Variants in CSRNP3 observed in about 807,000 individuals in gnomAD.
CSRNP3 encodes cysteine/serine-rich nuclear protein 3.
A neutral mutation model predicts 48.0 loss-of-function variants in CSRNP3; 12 were observed. The ratio of observed to expected loss-of-function variants is 0.25; its 90% confidence interval spans 0.16 to 0.41. The LOEUF (loss-of-function observed/expected upper bound fraction) is 0.41. Ranked by LOEUF, CSRNP3 falls within the 10% of genes least tolerant of loss-of-function variation. The probability of loss-of-function intolerance (pLI) is 1.00; values close to 1 mark genes in which losing one functional copy is unlikely to be tolerated. For missense variants in CSRNP3, 580 were observed against 724.4 expected, an observed-to-expected ratio of 0.80 and a Z score of 2.29; for synonymous variants, 263 against 269.7, an observed-to-expected ratio of 0.98 and a Z score of 0.24.
rs536047495 is a variant in CSRNP3, at chr2:165,621,177, A to T, written c.148+25964A>T. 3.2e-4 allele frequency among the ~76,000 whole-genome samples: 49 copies of T among 152,166 alleles called. No individual in the cohort carries two copies. In the South Asian group the frequency reaches 5.2e-3, roughly 16 times the overall value. On this transcript the variant is annotated intron_variant, in intron 4 of 6. Transcript: ENST00000651982. The stretch of plus-strand genomic sequence containing the variant: ...AGTTCCTGGTTAGCAGTCGTGGGTC[A>T]TTGTAGTCCCGGGCATTGTATTGAG...
chr2:165,674,320 G>A lies in CSRNP3; in HGVS notation c.409-1992G>A, dbSNP rs1012872109. ...GGAACACTTCCTTTCTGTTACTACAGCTTTACCTATCACAGAGGATCGAGT... is the reference window on the plus strand; with the variant it reads ...GGAACACTTCCTTTCTGTTACTACAACTTTACCTATCACAGAGGATCGAGT... On this transcript the variant is annotated intron_variant, in intron 5 of 6. Coordinates refer to ENST00000651982, the MANE Select transcript of CSRNP3 (RefSeq NM_001172173.2). Among the ~76,000 whole-genome samples the A allele has an allele frequency of 7.4e-4, 112 of 151,996 alleles. 1 individual carries two copies. Among genetic ancestry groups the A allele is most frequent in the Admixed American group, 5.2e-4 (8 of 15,252 alleles).
intron 5 of CSRNP3, among the ~76,000 whole-genome samples, chr2:165,672,721 G>A (rs1687351415): frequency 6.6e-6 from 1 of 152,166 alleles, no homozygotes; most frequent in Admixed American, 6.5e-5. Flanking sequence ...TGAGTGGGTG[G>A]ACAAAATTAG....
At chr2:165,558,451 G>A (rs956543029) in intron 3 of CSRNP3, among the ~76,000 whole-genome samples, 11 of 152,170 alleles carry the variant, frequency 7.2e-5, no homozygotes, top group African/African-American at 2.7e-4. Flanking sequence ...ACATAAGTTA[G>A]TGAGCAATTT....
chr2:165,470,726 T>C (rs1246528885), intron 1 of CSRNP3, among the ~76,000 whole-genome samples: 2 of 152,012 alleles, frequency 1.3e-5, no homozygotes, highest in Non-Finnish European at 2.9e-5. Flanking sequence ...AGTCACTTAA[T>C]TCTTTACTTT....
intron 3 of CSRNP3, among the ~76,000 whole-genome samples, chr2:165,577,480 T>TTATGA (rs1685471470): frequency 6.6e-6 from 1 of 151,834 alleles, no homozygotes; most frequent in Non-Finnish European, 1.5e-5. Flanking sequence ...AAAGGCCAGT[T>TTATGA]CTTAAAAATG....
At chr2:165,556,686 A>T (rs1685164648) in intron 3 of CSRNP3, among the ~76,000 whole-genome samples, 1 of 152,214 alleles carries the variant, frequency 6.6e-6, no homozygotes, top group African/African-American at 2.4e-5. Flanking sequence ...TGTACTGAAA[A>T]GGTCAGTTTT....
chr2:165,578,348 G>C (rs1223931187), intron 3 of CSRNP3, among the ~76,000 whole-genome samples: 2 of 152,046 alleles, frequency 1.3e-5, no homozygotes, highest in African/African-American at 4.8e-5. Flanking sequence ...TCATGCTCAT[G>C]TCTTACACTC....
chr2:165,485,894 G>A (rs1050844115), intron 1 of CSRNP3, among the ~76,000 whole-genome samples: 7 of 152,162 alleles, frequency 4.6e-5, no homozygotes, highest in Non-Finnish European at 7.4e-5. Flanking sequence ...AAATCTAGTA[G>A]GTAAGGTGCC....
intron 3 of CSRNP3, among the ~76,000 whole-genome samples, chr2:165,520,786 T>TATACATATATATATATATATTATATAC (rs1553472389): frequency 6.1e-4 from 3 of 4,894 alleles, no homozygotes; most frequent in African/African-American, 2.9e-3. Context: ...ATATATATTA[T>TATACATATATATATATATATTATATAC]ATATATATAT....
intron 3 of CSRNP3, among the ~76,000 whole-genome samples, chr2:165,588,666 A>G (rs2105289498): frequency 6.6e-6 from 1 of 152,296 alleles, no homozygotes; most frequent in South Asian, 2.1e-4. Flanking sequence ...ATAAAAGCCA[A>G]CTTTAGGGCC....
intron 5 of CSRNP3, among the ~76,000 whole-genome samples, chr2:165,661,442 T>A (rs1445870363): frequency 6.6e-6 from 1 of 152,170 alleles, no homozygotes; most frequent in Non-Finnish European, 1.5e-5. Flanking sequence ...GTAGCAGTTG[T>A]TCATCCTCAT....
Position 165,581,639 on chromosome 2 carries a change from C to T in CSRNP3, c.-23-13404C>T, listed in dbSNP as rs191029614. Among the ~76,000 whole-genome samples, 477 of 150,134 alleles carry T rather than the reference C, an allele frequency of 3.2e-3. 4 individuals are homozygous for T. Among genetic ancestry groups the T allele is most frequent in the African/African-American group, 0.011 (447 of 40,878 alleles). ...GCAATCTCTGCCTCCTGGGTTCAAG[C>T]GAATCTCCTGCCTCAGCCTCCCGAG... On this transcript the variant is annotated intron_variant, in intron 3 of 6. Transcript: ENST00000651982.
intron 3 of CSRNP3, among the ~76,000 whole-genome samples, chr2:165,594,216 G>T (rs1469997152): frequency 6.6e-6 from 1 of 152,064 alleles, no homozygotes; most frequent in African/African-American, 2.4e-5. Context: ...ATGTAATTTA[G>T]CAATGTAAGA....
intron 3 of CSRNP3, among the ~76,000 whole-genome samples, chr2:165,560,447 C>G (rs1685218262): frequency 6.6e-6 from 1 of 152,146 alleles, no homozygotes; most frequent in Non-Finnish European, 1.5e-5. Flanking sequence ...CATGAACAAT[C>G]CTTATTCATC....
rs1290966614 is a variant in CSRNP3, at chr2:165,615,962, CT to C, written c.148+20750del. 2.1e-5 allele frequency among the ~76,000 whole-genome samples: 3 copies of C among 142,902 alleles called. No homozygotes were observed. In the South Asian group the frequency reaches 6.8e-4, roughly 33 times the overall value. 93.7% of individuals were successfully genotyped at this position (142,902 alleles called of 152,430 possible). A position where few individuals can be genotyped will look rare whatever the true frequency, so the allele number is the denominator to read the frequency against. On this transcript the variant is annotated intron_variant, in intron 4 of 6. Transcript: ENST00000651982. Reference sequence around the variant, plus strand: ...CCCATGCTGGTCTTGAACTCCTGGGCTCAAGTGATCCTCCTGCCTCAGCCTT... The same window carrying C: ...CCCATGCTGGTCTTGAACTCCTGGGCCAAGTGATCCTCCTGCCTCAGCCTT...
rs2105322852 is a variant in CSRNP3 at position 165,626,467 on chromosome 2, T to C, written c.148+31254T>C. ...TCCTTACCGTGTATATGGATTGGTG[T>C]ACTGCAGGTACATAAACACCTTATT... On this transcript the variant is annotated intron_variant, in intron 4 of 6. Coordinates refer to ENST00000651982, the MANE Select transcript of CSRNP3 (RefSeq NM_001172173.2). 2.0e-5 allele frequency among the ~76,000 whole-genome samples: 3 copies of C among 152,342 alleles called. No homozygotes were observed. In the Middle Eastern group the frequency reaches 0.01, roughly 518 times the overall value.
chr2:165,650,994 T>G (rs1057395045), intron 4 of CSRNP3, among the ~76,000 whole-genome samples: 6 of 152,196 alleles, frequency 3.9e-5, no homozygotes, highest in African/African-American at 1.4e-4. Flanking sequence ...CTTTCTGCCT[T>G]TCTAGCAGGA....
rs1687511446 is a variant in CSRNP3 at position 165,680,262 on chromosome 2, G to A, written c.*509G>A. On this transcript the variant is annotated 3_prime_UTR_variant, in exon 7 of 7. Transcript: ENST00000651982. Reference sequence around the variant, plus strand: ...AGACATGTTTTGATGAAAATGAACAGCCGCATGTTCATTCAAGCTGAAGAT... The same window carrying A: ...AGACATGTTTTGATGAAAATGAACAACCGCATGTTCATTCAAGCTGAAGAT... 6.5e-6 allele frequency: 1 copy of A among 153,722 alleles called. No homozygotes were observed. The highest frequency in any genetic ancestry group is 6.5e-5 in the Admixed American group (1 of 15,438). The allele number at this position is 153,722 out of a possible 1,614,324, so 9.5% of individuals were successfully genotyped here. A position where few individuals can be genotyped will look rare whatever the true frequency, so the allele number is the denominator to read the frequency against.
chr2:165,513,957 G>T (rs1684542328), intron 2 of CSRNP3, among the ~76,000 whole-genome samples: 1 of 152,166 alleles, frequency 6.6e-6, no homozygotes, highest in Admixed American at 6.5e-5. Context: ...CCAAATATTA[G>T]AAAGGAGCAG....
Sources: allele counts gnomAD v4.1 joint callset (sites outside exome capture counted in the v4.1 genomes callset), GRCh38; gene constraint gnomAD v4.1.1; transcripts MANE v1.5; gene names NCBI Gene and HGNC (gene_info 2026-07-23, HGNC 2026-07-21).